The following UGT2B15 variants were observed in gnomAD, a reference collection of about 807,000 sequenced individuals.
The protein encoded by UGT2B15 is UDP-glucuronosyltransferase 2B15.
In UGT2B15, 36 loss-of-function variants were observed where a neutral mutation model predicts 45.9. That is an observed-to-expected ratio of 0.78 (90% CI 0.60 to 1.04). UGT2B15 has a LOEUF of 1.04. Among genes scored for constraint, UGT2B15 ranks in the 50% least tolerant of loss-of-function variants. The pLI is 0.00. For missense variants in UGT2B15, 617 were observed against 622.4 expected (o/e 0.99, Z 0.09); for synonymous variants, 219 against 216.4 (o/e 1.01, Z -0.11).
Position 68,646,818 on chromosome 4 carries a change from C to T in UGT2B15, c.*286G>A. The T allele has an allele frequency of 8.5e-6, 3 of 352,170 alleles. No individual in the cohort carries two copies. The highest frequency in any genetic ancestry group is 1.6e-5 in the Non-Finnish European group (3 of 193,328). 21.8% of individuals were successfully genotyped at this position (352,170 alleles called of 1,614,324 possible). A position where few individuals can be genotyped will look rare whatever the true frequency, so the allele number is the denominator to read the frequency against. On this transcript the variant is annotated 3_prime_UTR_variant, in exon 6 of 6. Transcript: ENST00000338206. Reference sequence around the variant, plus strand: ...GGTTAGCTACATATGTATACATGTGCCATGTTGGCGTGCTGCATCCAGTAA... The same window carrying T: ...GGTTAGCTACATATGTATACATGTGTCATGTTGGCGTGCTGCATCCAGTAA...
At chr4:68,660,295 C>G (rs1390655083) in intron 3 of UGT2B15, among the ~76,000 whole-genome samples, 1 of 150,112 alleles carries the variant, frequency 6.7e-6, no homozygotes, top group South Asian at 2.1e-4. Flanking sequence ...GGTTCCTGAA[C>G]TGTGTTAAGC....
At chr4:68,649,273 CTTTTTTTTT>C (rs71218976) in intron 5 of UGT2B15, among the ~76,000 whole-genome samples, 5 of 93,252 alleles carry the variant, frequency 5.4e-5, no homozygotes, top group Non-Finnish European at 8.1e-5. Flanking sequence ...TTCATATAAT[CTTTTTTTTT>C]TTTTTTTTTT....
chr4:68,667,823 C>T (rs1733184578), intron 2 of UGT2B15, among the ~76,000 whole-genome samples: 1 of 152,092 alleles, frequency 6.6e-6, no homozygotes, highest in Non-Finnish European at 1.5e-5. Context: ...TTAACCAACC[C>T]TGTTTTCAAA....
chr4:68,654,199 G>C lies in UGT2B15; in HGVS notation c.1151C>G (p.Ala384Gly). 1 of 1,613,498 alleles carries C rather than the reference G, an allele frequency of 6.2e-7. No individual in the cohort carries two copies. The highest frequency in any genetic ancestry group is 8.5e-7 in the Non-Finnish European group (1 of 1,179,650). ...CACCATAGGGATCCCATGGTAGATC[G>C]CCTCATAGATGCCATTGGTTCCACC... ...THGGTNGIYEAIYHGIPMVGI... is the reference protein window; with the variant it reads ...THGGTNGIYEGIYHGIPMVGI... The change falls in exon 5 of 6, where the codon GCG becomes GGG. Residue 384 changes from alanine to glycine, a missense_variant. Physicochemically the swap from Ala to Gly is moderately conservative, Grantham distance 60. Transcript: ENST00000338206.
intron 5 of UGT2B15, among the ~76,000 whole-genome samples, chr4:68,651,236 T>C (rs1182065141): frequency 6.6e-6 from 1 of 152,100 alleles, no homozygotes; most frequent in Non-Finnish European, 1.5e-5. Flanking sequence ...CATGCCTATG[T>C]CCTGAATGAT....
At chr4:68,655,029 G>A (rs1732762602) in intron 4 of UGT2B15, 66 bp downstream of exon 4, 2 of 1,527,636 alleles carry the variant, frequency 1.3e-6, no homozygotes, top group Non-Finnish European at 1.8e-6. Flanking sequence ...TTTGTTTTAT[G>A]TTGAACTATT....
chr4:68,653,778 A>C (rs1732722019), intron 5 of UGT2B15, among the ~76,000 whole-genome samples: 1 of 152,074 alleles, frequency 6.6e-6, no homozygotes, highest in Non-Finnish European at 1.5e-5. Flanking sequence ...ATCATTAAAA[A>C]TATTTAAAAT....
chr4:68,665,864 T>C (rs1733103749), intron 2 of UGT2B15, among the ~76,000 whole-genome samples: 1 of 152,072 alleles, frequency 6.6e-6, no homozygotes, highest in South Asian at 2.1e-4. Flanking sequence ...CTGGCCAACA[T>C]GGTGAAACTC....
chr4:68,662,335 A>G (rs1212110616), intron 3 of UGT2B15, among the ~76,000 whole-genome samples: 1 of 151,220 alleles, frequency 6.6e-6, no homozygotes, highest in Non-Finnish European at 1.5e-5. Flanking sequence ...CATCCTTTCC[A>G]TTACATTTTT....
chr4:68,666,838 C>T (rs1398030368), intron 2 of UGT2B15, among the ~76,000 whole-genome samples: 14 of 150,916 alleles, frequency 9.3e-5, no homozygotes, highest in East Asian at 7.8e-4. Context: ...CCTCTGCCTC[C>T]GGGGTTCAAG....
intron 2 of UGT2B15, 86 bp downstream of exon 2, chr4:68,667,954 C>G (rs1578201373): frequency 6.5e-7 from 1 of 1,539,210 alleles, no homozygotes; most frequent in East Asian, 2.3e-5. Flanking sequence ...ATTCCCCTCA[C>G]TCTGAGTTAA....
chr4:68,647,263 T>C lies in UGT2B15; in HGVS notation c.1434A>G (p.Arg478=). Residue 478 remains arginine (R), a synonymous_variant, in exon 6 of 6, where the codon CGA becomes CGG. Coordinates refer to ENST00000338206, the MANE Select transcript of UGT2B15 (RefSeq NM_001076.4). The stretch of plus-strand genomic sequence containing the variant: ...TCCAGGTGAGGTTGTGAGCTGCGAC[T>C]CGAAGGTGCTTGGCTCCTTTGTGGC... ...VMRHKGAKHL[R]VAAHNLTWIQ... The C allele has an allele frequency of 6.2e-7, 1 of 1,614,018 alleles. No homozygotes were observed. The highest frequency in any genetic ancestry group is 8.5e-7 in the Non-Finnish European group (1 of 1,179,954).
chr4:68,663,801 A>C (rs1733037993), intron 2 of UGT2B15, among the ~76,000 whole-genome samples: 1 of 145,068 alleles, frequency 6.9e-6, no homozygotes, highest in South Asian at 2.2e-4. Context: ...AAGCTGAAGT[A>C]TAAGAATCAC....
chr4:68,662,746 A>G (rs1733001985), intron 3 of UGT2B15, among the ~76,000 whole-genome samples: 1 of 149,124 alleles, frequency 6.7e-6, no homozygotes, highest in Non-Finnish European at 1.5e-5. Flanking sequence ...CTACGATACC[A>G]TGATAATACC....
At chr4:68,650,823 T>C (rs1489737423) in intron 5 of UGT2B15, among the ~76,000 whole-genome samples, 1 of 152,064 alleles carries the variant, frequency 6.6e-6, no homozygotes, top group Non-Finnish European at 1.5e-5. Context: ...GTTTTTTGAC[T>C]TTTTAATCAT....
chr4:68,657,891 A>G (rs1263332033), intron 3 of UGT2B15, among the ~76,000 whole-genome samples: 1 of 152,068 alleles, frequency 6.6e-6, no homozygotes, highest in Admixed American at 6.6e-5. Context: ...GTGTTTGCAT[A>G]TATTTAAAAG....
intron 3 of UGT2B15, among the ~76,000 whole-genome samples, chr4:68,658,207 T>C (rs773356926): frequency 1.3e-5 from 2 of 152,028 alleles, no homozygotes; most frequent in Non-Finnish European, 2.9e-5. Flanking sequence ...TGTGTATGTA[T>C]TTATGTGTTT....
chr4:68,658,250 A>T (rs1395452288), intron 3 of UGT2B15, among the ~76,000 whole-genome samples: 1 of 151,976 alleles, frequency 6.6e-6, no homozygotes, highest in East Asian at 1.9e-4. Context: ...AAAATATATA[A>T]AAGAGCTCTA....
chr4:68,656,755 G>A (rs546876002), intron 3 of UGT2B15, among the ~76,000 whole-genome samples: 7 of 152,076 alleles, frequency 4.6e-5, no homozygotes, highest in Admixed American at 2.6e-4. Flanking sequence ...CACCCCTTTA[G>A]GGGTGTCTGT....
Sources: gnomAD v4.1 joint callset for allele counts (sites outside exome capture counted in the v4.1 genomes callset) on GRCh38, gnomAD v4.1.1 for gene constraint, MANE v1.5 for transcripts, NCBI Gene and HGNC (gene_info 2026-07-23, HGNC 2026-07-21) for gene names.